Variants in GATB observed in about 807,000 individuals in gnomAD.
The protein encoded by GATB is glutamyl-tRNA amidotransferase subunit B, also known as glutamyl-tRNA(Gln) amidotransferase subunit B, mitochondrial.
A neutral mutation model predicts 62.3 loss-of-function variants in GATB; 39 were observed. The observed-to-expected ratio is 0.63, with a 90% CI of 0.48 to 0.82. The LOEUF (loss-of-function observed/expected upper bound fraction) is 0.82. GATB is among the 40% of genes least tolerant of loss of function. The probability of loss-of-function intolerance (pLI) is 0.00; values close to 1 mark genes in which losing one functional copy is unlikely to be tolerated. For missense variants in GATB, 670 were observed against 684.0 expected (o/e 0.98, Z 0.23); for synonymous variants, 276 against 258.9 (o/e 1.07, Z -0.63).
chr4:151,679,316 C>T (rs1429076030), intron 11 of GATB, among the ~76,000 whole-genome samples: 1 of 152,188 alleles, frequency 6.6e-6, no homozygotes, highest in African/African-American at 2.4e-5. Context: ...TGAGTTTTCA[C>T]ACACCGGGCA....
At chr4:151,733,728 A>C (rs1739314510) in intron 2 of GATB, among the ~76,000 whole-genome samples, 3 of 152,238 alleles carry the variant, frequency 2.0e-5, no homozygotes, top group Admixed American at 1.3e-4. Context: ...CGAATCTAAC[A>C]AATATAAAAA....
intron 9 of GATB, 48 bp downstream of exon 9, chr4:151,701,281 G>A: frequency 6.9e-7 from 1 of 1,441,752 alleles, no homozygotes. Flanking sequence ...GAAGGGCACT[G>A]CCCCATCTGC....
At chr4:151,695,836 C>T (rs2126965057) in intron 9 of GATB, among the ~76,000 whole-genome samples, 1 of 152,178 alleles carries the variant, frequency 6.6e-6, no homozygotes, top group African/African-American at 2.4e-5. Flanking sequence ...CAGCTCGCTA[C>T]AGCCTTGAAT....
At chr4:151,722,448 G>A (rs1029397936) in intron 2 of GATB, 3 of 523,674 alleles carry the variant, frequency 5.7e-6, no homozygotes, top group Non-Finnish European at 1.0e-5. Context: ...CCACGACAAA[G>A]GCCAAGCTCT....
In GATB at chr4:151,701,500, G is replaced by GA. The variant is rs771016921; in HGVS notation, c.1025_1026insT (p.Leu343ProfsTer25). On this transcript the variant is annotated frameshift_variant, in exon 9 of 13. Transcript: ENST00000263985. LOFTEE classifies it high-confidence loss of function. ...CGTCGTAGAGCACCAGGGGAGGCAG[G>GA]TTGGGTTCTGGCATGAACCTGGGCA... is the stretch of plus-strand genomic sequence containing the variant. The GA allele has an allele frequency of 1.3e-6, 2 of 1,565,446 alleles. No homozygotes were observed. The highest frequency in any genetic ancestry group is 3.6e-5 in the Admixed American group (2 of 54,960).
At position 151,670,828 on chromosome 4, in the gene GATB, G is replaced by A. The variant is rs1737840065; in HGVS notation, c.*346C>T. 5.1e-6 allele frequency: 1 copy of A among 195,748 alleles called. No individual in the cohort carries two copies. Among genetic ancestry groups the A allele is most frequent in the Non-Finnish European group, 1.0e-5 (1 of 95,542 alleles). 12.1% of individuals were successfully genotyped at this position (195,748 alleles called of 1,614,324 possible). A position where few individuals can be genotyped will look rare whatever the true frequency, so the allele number is the denominator to read the frequency against. ...ATATTTGTTGAAGGAACTGCAGAAT[G>A]AAAAGTTTTCTTAGAATGGGTAACA... On this transcript the variant is annotated 3_prime_UTR_variant, in exon 13 of 13. Transcript: ENST00000263985.
intron 2 of GATB, among the ~76,000 whole-genome samples, chr4:151,754,896 G>A (rs1739794267): frequency 6.6e-6 from 1 of 152,192 alleles, no homozygotes; most frequent in Non-Finnish European, 1.5e-5. Flanking sequence ...CTTAACTGGT[G>A]AAATCAAGGT....
chr4:151,752,248 A>C (rs1311885840), intron 2 of GATB, among the ~76,000 whole-genome samples: 1 of 152,054 alleles, frequency 6.6e-6, no homozygotes, highest in Non-Finnish European at 1.5e-5. Context: ...CTTTATTCTC[A>C]GTGTTATTAA....
chr4:151,750,073 G>A (rs1395293130), intron 2 of GATB, among the ~76,000 whole-genome samples: 2 of 152,078 alleles, frequency 1.3e-5, no homozygotes, highest in Non-Finnish European at 2.9e-5. Flanking sequence ...AGTAGAGACA[G>A]GGTTTCACCG....
At chr4:151,689,223 G>C (rs1006514177) in intron 9 of GATB, among the ~76,000 whole-genome samples, 1 of 152,168 alleles carries the variant, frequency 6.6e-6, no homozygotes, top group Admixed American at 6.5e-5. Context: ...GCAAAATCAA[G>C]AAAGAACAAA....
chr4:151,684,445 C>A (rs967877314), intron 10 of GATB, among the ~76,000 whole-genome samples: 1 of 152,238 alleles, frequency 6.6e-6, no homozygotes, highest in African/African-American at 2.4e-5. Context: ...TCTGAGAGGT[C>A]TTTAAAGATG....
chr4:151,698,292 G>T (rs1487892468), intron 9 of GATB, among the ~76,000 whole-genome samples: 1 of 151,978 alleles, frequency 6.6e-6, no homozygotes, highest in Non-Finnish European at 1.5e-5. Context: ...TAAATATTAA[G>T]AATAATTTGG....
At chr4:151,749,742 G>A (rs1425226250) in intron 2 of GATB, among the ~76,000 whole-genome samples, 1 of 152,148 alleles carries the variant, frequency 6.6e-6, no homozygotes, top group Non-Finnish European at 1.5e-5. Context: ...TGGGAGCAGA[G>A]GGACACATCT....
Position 151,697,953 on chromosome 4 carries a change from GTATATATATA to G in GATB, c.1197+3366_1197+3375del, listed in dbSNP as rs56231389. On this transcript the variant is annotated intron_variant, in intron 9 of 12. Coordinates refer to ENST00000263985, the MANE Select transcript of GATB (RefSeq NM_004564.3). ...TTCATATATATGTGTGTGTGTGTGTGTATATATATATATATATATATATATATATATATAT... is the reference window on the plus strand; with the variant it reads ...TTCATATATATGTGTGTGTGTGTGTGTATATATATATATATATATATATAT... 1.2e-3 allele frequency among the ~76,000 whole-genome samples: 50 copies of G among 40,458 alleles called. 1 individual carries two copies. The highest frequency in any genetic ancestry group is 1.8e-3 in the East Asian group (2 of 1,130). The allele number at this position is 40,458 out of a possible 152,430, so 26.5% of individuals were successfully genotyped here.
At chr4:151,728,997 C>A (rs1409647143) in intron 2 of GATB, among the ~76,000 whole-genome samples, 1 of 152,158 alleles carries the variant, frequency 6.6e-6, no homozygotes, top group African/African-American at 2.4e-5. Flanking sequence ...TATTCACCAG[C>A]CTCACAAATG....
At chr4:151,747,621 AC>A (rs1739628878) in intron 2 of GATB, among the ~76,000 whole-genome samples, 1 of 152,252 alleles carries the variant, frequency 6.6e-6, no homozygotes, top group Non-Finnish European at 1.5e-5. Context: ...ATAAATAAAA[AC>A]AAATTCACAT....
chr4:151,735,873 A>G (rs529518655), intron 2 of GATB, among the ~76,000 whole-genome samples: 2 of 151,752 alleles, frequency 1.3e-5, no homozygotes, highest in East Asian at 3.9e-4. Flanking sequence ...ACTCGGAGGA[A>G]GAGTGGGAAG....
intron 7 of GATB, 43 bp from the exon 8 acceptor site, chr4:151,703,938 A>G (rs761004016): frequency 2.1e-6 from 3 of 1,444,526 alleles, no homozygotes; most frequent in Non-Finnish European, 2.9e-6. Flanking sequence ...TGAAAGCAGC[A>G]CTGGCCAGCC....
intron 2 of GATB, among the ~76,000 whole-genome samples, chr4:151,754,263 G>A (rs1035664344): frequency 1.3e-5 from 2 of 152,146 alleles, no homozygotes; most frequent in Admixed American, 6.5e-5. Context: ...CATGGAAAAC[G>A]TTTCAGTTTC....
Sources: gnomAD v4.1 joint callset for allele counts (sites outside exome capture counted in the v4.1 genomes callset) on GRCh38, gnomAD v4.1.1 for gene constraint, MANE v1.5 for transcripts, NCBI Gene and HGNC (gene_info 2026-07-23, HGNC 2026-07-21) for gene names.